Variants in ANO3 observed in about 807,000 individuals in gnomAD.
ANO3 encodes the protein anoctamin 3.
Under a neutral mutation model 144.8 loss-of-function variants are expected in ANO3, and 99 were observed. That is an observed-to-expected ratio of 0.68 (90% confidence interval 0.58 to 0.81). ANO3 has a LOEUF of 0.81. ANO3 is among the 30% of genes least tolerant of loss of function. ANO3 has a pLI of 0.00. For synonymous variants in ANO3, 414 were observed against 392.6 expected, an observed-to-expected ratio of 1.05 and a Z score of -0.64; for missense variants, 905 against 1,202.2, an observed-to-expected ratio of 0.75 and a Z score of 3.66.
At chr11:26,632,463 C>G (rs1320378929) in intron 18 of ANO3, among the ~76,000 whole-genome samples, 1 of 150,012 alleles carries the variant, frequency 6.7e-6, no homozygotes, top group African/African-American at 2.5e-5. Context: ...TTGCAGTGAG[C>G]CGAGATTGTG....
At chr11:26,532,788 C>T (rs1849407425) in intron 8 of ANO3, among the ~76,000 whole-genome samples, 1 of 152,082 alleles carries the variant, frequency 6.6e-6, no homozygotes. Context: ...GAGACTGGCT[C>T]TGAAAATGTG....
intron 1 of ANO3, among the ~76,000 whole-genome samples, chr11:26,427,852 G>A (rs111406390): frequency 0.052 from 7,980 of 152,176 alleles, 249 homozygotes; most frequent in African/African-American, 0.08. Context: ...TTCTCATGGC[G>A]GCAGCAAGAA....
intron 1 of ANO3, among the ~76,000 whole-genome samples, chr11:26,342,754 G>T (rs1042426307): frequency 6.6e-6 from 1 of 152,078 alleles, no homozygotes; most frequent in Non-Finnish European, 1.5e-5. Context: ...ATGGAAAAAG[G>T]CTTTTGCTGT....
intron 1 of ANO3, among the ~76,000 whole-genome samples, chr11:26,310,797 G>T (rs1044451438): frequency 1.3e-5 from 2 of 152,144 alleles, no homozygotes; most frequent in African/African-American, 4.8e-5. Context: ...TTTACCATGA[G>T]TCTACCTTAG....
intron 1 of ANO3, among the ~76,000 whole-genome samples, chr11:26,366,285 G>T (rs1856081923): frequency 6.6e-6 from 1 of 151,988 alleles, no homozygotes; most frequent in African/African-American, 2.4e-5. Context: ...GAGAATGATG[G>T]TTTCTGGCTT....
intron 1 of ANO3, among the ~76,000 whole-genome samples, chr11:26,303,855 G>A (rs145101329): frequency 0.028 from 4,187 of 152,150 alleles, 82 homozygotes; most frequent in East Asian, 0.12. Flanking sequence ...AAGTAGCTGA[G>A]ACTACAGGTG....
intron 1 of ANO3, among the ~76,000 whole-genome samples, chr11:26,224,128 C>A (rs1179384725): frequency 1.3e-5 from 2 of 152,110 alleles, no homozygotes; most frequent in African/African-American, 2.4e-5. Flanking sequence ...CTCCTTCCAG[C>A]ATGGTCAGAG....
chr11:26,548,531 A>T (rs1849848120), intron 12 of ANO3, among the ~76,000 whole-genome samples: 1 of 151,962 alleles, frequency 6.6e-6, no homozygotes, highest in Non-Finnish European at 1.5e-5. Context: ...TATATGCTTC[A>T]TGAGATCATA....
chr11:26,635,023 C>T lies in ANO3; in HGVS notation c.1996C>T (p.His666Tyr). 1 of 1,613,298 alleles carries T rather than the reference C, an allele frequency of 6.2e-7. No homozygotes were observed. The highest frequency in any genetic ancestry group is 8.5e-7 in the Non-Finnish European group (1 of 1,179,380). ...AATGTCTTCTTACAGATTCGTAGGCCACCCAGGAAAATACAATAAACTTTT... is the reference window on the plus strand; with the variant it reads ...AATGTCTTCTTACAGATTCGTAGGCTACCCAGGAAAATACAATAAACTTTT... The part of the protein sequence containing the change: ...IAFFLGRFVG[H>Y]PGKYNKLFDR... Residue 666 changes from histidine to tyrosine, a missense_variant, in exon 20 of 27, where the codon CAC becomes TAC. By Grantham distance (83) the His-to-Tyr change is moderately conservative. This residue lies in a region of ANO3 where 597 missense variants were observed against 865.1 expected (regional missense o/e 0.69). Coordinates refer to ENST00000256737, the MANE Select transcript of ANO3 (RefSeq NM_031418.4).
intron 1 of ANO3, among the ~76,000 whole-genome samples, chr11:26,222,395 C>T (rs141090209): frequency 1.1e-4 from 16 of 152,202 alleles, no homozygotes; most frequent in Admixed American, 1.3e-4. Flanking sequence ...ATTGGAGTTG[C>T]GTGCCTGCAG....
At chr11:26,227,871 T>A (rs951227254) in intron 1 of ANO3, among the ~76,000 whole-genome samples, 1 of 152,208 alleles carries the variant, frequency 6.6e-6, no homozygotes, top group Non-Finnish European at 1.5e-5. Flanking sequence ...TAAATTTTTT[T>A]AAACCTAATT....
chr11:26,597,665 A>G (rs1201529051), intron 14 of ANO3, among the ~76,000 whole-genome samples: 1 of 152,220 alleles, frequency 6.6e-6, no homozygotes, highest in Non-Finnish European at 1.5e-5. Context: ...GGGGACCCAA[A>G]GAGGGTTGCC....
upstream of ANO3, among the ~76,000 whole-genome samples, chr11:26,327,240 AC>A (rs1399394810): frequency 6.6e-6 from 1 of 152,188 alleles, no homozygotes; most frequent in Non-Finnish European, 1.5e-5. Context: ...AAGTGAGTCA[AC>A]CTGAAGTCTA....
intron 1 of ANO3, among the ~76,000 whole-genome samples, chr11:26,412,710 C>G (rs1255442518): frequency 1.3e-5 from 2 of 150,538 alleles, no homozygotes; most frequent in East Asian, 3.9e-4. Context: ...AATTGTAAGG[C>G]AAATAGAAAT....
At chr11:26,339,148 T>A (rs1408759964) in intron 1 of ANO3, among the ~76,000 whole-genome samples, 1 of 151,418 alleles carries the variant, frequency 6.6e-6, no homozygotes, top group Non-Finnish European at 1.5e-5. Context: ...GACTCCAAAG[T>A]CCACTTTTTT....
At chr11:26,553,397 T>C in intron 13 of ANO3, 52 bp downstream of exon 13, 1 of 1,299,272 alleles carries the variant, frequency 7.7e-7, no homozygotes, top group Non-Finnish European at 1.1e-6. Context: ...AGAAGCAGGC[T>C]GTAAGAAGTC....
intron 4 of ANO3, among the ~76,000 whole-genome samples, chr11:26,501,612 A>G (rs1285051388): frequency 1.3e-5 from 2 of 152,170 alleles, no homozygotes; most frequent in Non-Finnish European, 2.9e-5. Context: ...AGAGCCATGC[A>G]TGCTACATGA....
intron 3 of ANO3, among the ~76,000 whole-genome samples, chr11:26,449,880 G>A (rs574417281): frequency 3.3e-5 from 5 of 151,760 alleles, no homozygotes; most frequent in Non-Finnish European, 5.9e-5. Flanking sequence ...TCAGCCTCCC[G>A]AGTAGCTGGG....
At chr11:26,368,573 G>T (rs941439694) in intron 1 of ANO3, among the ~76,000 whole-genome samples, 2 of 152,008 alleles carry the variant, frequency 1.3e-5, no homozygotes, top group Non-Finnish European at 2.9e-5. Flanking sequence ...AAAAAAGAAA[G>T]GGTGGGGGAG....
Sources: allele counts gnomAD v4.1 joint callset (sites outside exome capture counted in the v4.1 genomes callset), GRCh38; gene constraint gnomAD v4.1.1; regional missense constraint gnomAD v4.1.1; transcripts MANE v1.5; gene names NCBI Gene and HGNC (gene_info 2026-07-23, HGNC 2026-07-21).